Variants in TRAPPC9 observed in about 807,000 individuals in gnomAD.
TRAPPC9 encodes the protein trafficking protein particle complex subunit 9.
A neutral mutation model predicts 124.0 loss-of-function variants in TRAPPC9; 83 were observed. The ratio of observed to expected loss-of-function variants is 0.67; its 90% CI spans 0.56 to 0.80. TRAPPC9 has a LOEUF of 0.80. Among genes scored for constraint, TRAPPC9 ranks in the 30% least tolerant of loss-of-function variants. The probability of loss-of-function intolerance (pLI) is 0.00; values close to 1 mark genes in which losing one functional copy is unlikely to be tolerated. For missense variants in TRAPPC9, 1,302 were observed against 1,508.3 expected (o/e 0.86, Z 2.27); for synonymous variants, 638 against 617.5 (o/e 1.03, Z -0.49).
chr8:140,234,017 T>G (rs541036730), intron 16 of TRAPPC9, among the ~76,000 whole-genome samples: 136 of 152,308 alleles, frequency 8.9e-4, no homozygotes, highest in Non-Finnish European at 1.7e-3. Flanking sequence ...ATGTGGGTAC[T>G]TAAATTTAAA....
intron 18 of TRAPPC9, among the ~76,000 whole-genome samples, chr8:140,023,235 G>T (rs1182569380): frequency 6.6e-6 from 1 of 152,206 alleles, no homozygotes; most frequent in African/African-American, 2.4e-5. Flanking sequence ...CCAGCTGGCA[G>T]GAGCTTCATT....
chr8:139,852,531 C>A (rs1431966669), intron 21 of TRAPPC9, among the ~76,000 whole-genome samples: 1 of 152,210 alleles, frequency 6.6e-6, no homozygotes, highest in East Asian at 1.9e-4. Context: ...TTCTTGTGGG[C>A]AGTTTCCAAA....
chr8:139,955,346 T>G (rs1182233576), intron 19 of TRAPPC9, among the ~76,000 whole-genome samples: 1 of 152,106 alleles, frequency 6.6e-6, no homozygotes, highest in Non-Finnish European at 1.5e-5. Context: ...GTTCTTTGCA[T>G]GCTGTGACAC....
At chr8:140,295,385 A>T (rs1286887127) in intron 11 of TRAPPC9, among the ~76,000 whole-genome samples, 1 of 152,232 alleles carries the variant, frequency 6.6e-6, no homozygotes, top group Non-Finnish European at 1.5e-5. Flanking sequence ...TCAGCTGTCC[A>T]CGGTCACACA....
intron 8 of TRAPPC9, among the ~76,000 whole-genome samples, chr8:140,363,424 T>C (rs2068013972): frequency 6.6e-6 from 1 of 152,220 alleles, no homozygotes; most frequent in Non-Finnish European, 1.5e-5. Flanking sequence ...CATTAAATTC[T>C]CTGGGAGATG....
At chr8:140,307,645 A>G (rs759206483) in intron 10 of TRAPPC9, among the ~76,000 whole-genome samples, 1 of 152,232 alleles carries the variant, frequency 6.6e-6, no homozygotes, top group Non-Finnish European at 1.5e-5. Context: ...GATTCTAGGA[A>G]AGCTAAATAT....
chr8:139,988,283 T>C (rs1837384905), intron 19 of TRAPPC9, among the ~76,000 whole-genome samples: 1 of 151,878 alleles, frequency 6.6e-6, no homozygotes, highest in South Asian at 2.1e-4. Context: ...CGGGTAGTTT[T>C]TGTATTTTTA....
chr8:139,901,945 G>A (rs1032894174), intron 20 of TRAPPC9, among the ~76,000 whole-genome samples: 2 of 152,290 alleles, frequency 1.3e-5, no homozygotes, highest in Admixed American at 6.5e-5. Flanking sequence ...TGCCCAGAAC[G>A]GTGCCTGGCA....
intron 18 of TRAPPC9, among the ~76,000 whole-genome samples, chr8:140,003,294 G>T (rs1436202613): frequency 6.6e-6 from 1 of 152,116 alleles, no homozygotes; most frequent in Non-Finnish European, 1.5e-5. Context: ...CACAAATTAG[G>T]CCGGGTGCGG....
intron 21 of TRAPPC9, among the ~76,000 whole-genome samples, chr8:139,871,833 A>T (rs182470841): frequency 1.4e-3 from 216 of 152,258 alleles, no homozygotes; most frequent in African/African-American, 4.8e-3. Context: ...ATGAGCGGAT[A>T]GGTGGGTGAA....
Position 140,134,890 on chromosome 8 carries a change from G to A in TRAPPC9, c.2556+86569C>T, listed in dbSNP as rs192165299. 9.8e-5 allele frequency among the ~76,000 whole-genome samples: 15 copies of A among 152,326 alleles called. No individual in the cohort carries two copies. In the East Asian group the frequency reaches 2.5e-3, roughly 25 times the overall value. On this transcript the variant is annotated intron_variant, in intron 17 of 22. Coordinates refer to ENST00000438773, the MANE Select transcript of TRAPPC9 (RefSeq NM_001160372.4). ...CAAGAAAATAAAAAGATAGTCTACA[G>A]AACGGGAGAAAATATTTGCAAATCA...
intron 19 of TRAPPC9, chr8:139,916,299 A>T (rs1167529183): frequency 6.6e-6 from 1 of 152,040 alleles, no homozygotes; most frequent in Non-Finnish European, 1.5e-5. Flanking sequence ...AGATTAGATA[A>T]GATAGATGGT....
intron 19 of TRAPPC9, among the ~76,000 whole-genome samples, chr8:139,971,290 G>A (rs1044659733): frequency 6.6e-6 from 1 of 152,114 alleles, no homozygotes; most frequent in East Asian, 1.9e-4. Flanking sequence ...CTGGACTATC[G>A]TCTCTGCCCT....
intron 17 of TRAPPC9, among the ~76,000 whole-genome samples, chr8:140,129,766 G>C (rs1175265595): frequency 1.3e-5 from 2 of 152,190 alleles, no homozygotes; most frequent in Non-Finnish European, 2.9e-5. Flanking sequence ...TAAAGCCAGT[G>C]ATACCGGATC....
chr8:140,078,068 A>C (rs989670459), intron 17 of TRAPPC9, among the ~76,000 whole-genome samples: 2 of 152,222 alleles, frequency 1.3e-5, no homozygotes, highest in Non-Finnish European at 2.9e-5. Context: ...CATGCAGTTC[A>C]TCTCCATTTA....
intron 19 of TRAPPC9, among the ~76,000 whole-genome samples, chr8:139,915,183 G>T (rs1204126483): frequency 6.6e-6 from 1 of 152,234 alleles, no homozygotes; most frequent in Admixed American, 6.5e-5. Flanking sequence ...CTGCCCAGGG[G>T]TCTGCCCAGC....
At chr8:139,756,511 T>G (rs1299920812) in intron 21 of TRAPPC9, among the ~76,000 whole-genome samples, 10 of 114,938 alleles carry the variant, frequency 8.7e-5, no homozygotes, top group African/African-American at 1.8e-4. Context: ...AGCCAGGGTT[T>G]GGGGATGAGG....
intron 21 of TRAPPC9, among the ~76,000 whole-genome samples, chr8:139,789,553 T>A (rs1322121320): frequency 6.6e-6 from 1 of 152,152 alleles, no homozygotes; most frequent in Non-Finnish European, 1.5e-5. Flanking sequence ...GAGAGCTTCC[T>A]ATGGGCCCAG....
chr8:140,297,474 A>T (rs1384068194), intron 11 of TRAPPC9, among the ~76,000 whole-genome samples: 1 of 152,234 alleles, frequency 6.6e-6, no homozygotes, highest in Non-Finnish European at 1.5e-5. Context: ...AGAGTAGATT[A>T]TATAGTTAGT....
Sources: allele counts gnomAD v4.1 joint callset (sites outside exome capture counted in the v4.1 genomes callset), GRCh38; gene constraint gnomAD v4.1.1; transcripts MANE v1.5; gene names NCBI Gene and HGNC (gene_info 2026-07-23, HGNC 2026-07-21).